Variants in PDE10A observed in about 807,000 individuals in gnomAD.
PDE10A encodes the protein phosphodiesterase 10A.
Under a neutral mutation model 97.7 loss-of-function variants are expected in PDE10A, and 39 were observed. The observed-to-expected ratio is 0.40, with a 90% CI of 0.31 to 0.52. PDE10A has a LOEUF of 0.52. Among genes scored for constraint, PDE10A ranks in the 20% least tolerant of loss-of-function variants. PDE10A has a pLI of 0.56. For synonymous variants in PDE10A, 371 were observed against 376.8 expected, an observed-to-expected ratio of 0.98 and a Z score of 0.18; for missense variants, 731 against 1,047.8, an observed-to-expected ratio of 0.70 and a Z score of 4.17.
intron 1 of PDE10A, among the ~76,000 whole-genome samples, chr6:165,564,488 C>T (rs1468301204): frequency 6.6e-6 from 1 of 152,146 alleles, no homozygotes; most frequent in East Asian, 1.9e-4. Flanking sequence ...TTGCATTAAG[C>T]CAATTCAAAC....
intron 5 of PDE10A, among the ~76,000 whole-genome samples, chr6:165,445,399 C>A (rs950423299): frequency 3.3e-5 from 5 of 152,196 alleles, no homozygotes; most frequent in Non-Finnish European, 7.3e-5. Context: ...AGCTGTCTTT[C>A]TCTTGAGGGA....
At chr6:165,699,336 A>G (rs1169579056) in intron 1 of PDE10A, among the ~76,000 whole-genome samples, 1 of 152,218 alleles carries the variant, frequency 6.6e-6, no homozygotes, top group Non-Finnish European at 1.5e-5. Flanking sequence ...GCACCAAAAT[A>G]TAGGAAACAA....
intron 1 of PDE10A, among the ~76,000 whole-genome samples, chr6:165,837,658 G>GTT (rs1455173660): frequency 7.7e-6 from 1 of 129,712 alleles, no homozygotes; most frequent in African/African-American, 3.0e-5. Context: ...TATCTCTCCT[G>GTT]GTTTTTTTTT....
intron 1 of PDE10A, among the ~76,000 whole-genome samples, chr6:165,772,754 G>A (rs2128460167): frequency 6.6e-6 from 1 of 152,292 alleles, no homozygotes; most frequent in South Asian, 2.1e-4. Flanking sequence ...TTGGGGGCGG[G>A]GTGGGGGAGC....
At chr6:165,844,441 A>G (rs1780351776) in intron 1 of PDE10A, among the ~76,000 whole-genome samples, 1 of 152,196 alleles carries the variant, frequency 6.6e-6, no homozygotes, top group Non-Finnish European at 1.5e-5. Flanking sequence ...TAATTGGTGA[A>G]ATTTAATAGG....
chr6:165,391,821 T>C (rs1785740784), intron 16 of PDE10A, among the ~76,000 whole-genome samples: 1 of 152,234 alleles, frequency 6.6e-6, no homozygotes, highest in Admixed American at 6.5e-5. Flanking sequence ...TCACAAGTAC[T>C]AGATTCTAGT....
At chr6:165,872,022 C>T (rs962808016) in intron 1 of PDE10A, among the ~76,000 whole-genome samples, 2 of 151,992 alleles carry the variant, frequency 1.3e-5, no homozygotes, top group African/African-American at 2.4e-5. Flanking sequence ...GTGTCAGAAG[C>T]GTTGCCTTGT....
chr6:165,955,331 G>C (rs1044198935), intron 1 of PDE10A, among the ~76,000 whole-genome samples: 2 of 152,222 alleles, frequency 1.3e-5, no homozygotes, highest in African/African-American at 2.4e-5. Context: ...TTGGATCTTT[G>C]CGATAACTTC....
chr6:165,848,441 G>T (rs1426274208), intron 1 of PDE10A, among the ~76,000 whole-genome samples: 1 of 152,206 alleles, frequency 6.6e-6, no homozygotes, highest in Admixed American at 6.5e-5. Context: ...TTCCAGAGAA[G>T]GCAGCCTTTG....
intron 1 of PDE10A, among the ~76,000 whole-genome samples, chr6:165,633,075 G>A (rs1301115028): frequency 1.1e-4 from 13 of 117,798 alleles, no homozygotes; most frequent in Admixed American, 7.2e-4. Flanking sequence ...AAAAGTCACC[G>A]TGTCAAAAAA....
In PDE10A at chr6:165,371,890, A is replaced by G. The variant is rs901796621; in HGVS notation, c.2783+7304T>C. On this transcript the variant is annotated intron_variant, in intron 18 of 21. Coordinates refer to ENST00000539869, the MANE Select transcript of PDE10A (RefSeq NM_001385079.1). ...AAAGCTTATCCACCATGAGCAAGTG[A>G]GCTTCATCCCTGGGATGCAAGGCTG... 1.3e-4 allele frequency among the ~76,000 whole-genome samples: 20 copies of G among 152,216 alleles called. 1 individual carries two copies. Among genetic ancestry groups the G allele is most frequent in the South Asian group, 6.2e-4 (3 of 4,818 alleles).
intron 1 of PDE10A, among the ~76,000 whole-genome samples, chr6:165,575,986 A>T (rs1286033668): frequency 6.6e-6 from 1 of 152,236 alleles, no homozygotes; most frequent in Non-Finnish European, 1.5e-5. Context: ...TCTCAGTAGT[A>T]TCAGATATTG....
chr6:165,797,639 T>A (rs1778865512), intron 1 of PDE10A, among the ~76,000 whole-genome samples: 1 of 152,220 alleles, frequency 6.6e-6, no homozygotes. Flanking sequence ...TCATTATTCT[T>A]TTTGATGGCA....
chr6:165,640,653 C>T (rs1046374157), intron 1 of PDE10A, among the ~76,000 whole-genome samples: 6 of 152,166 alleles, frequency 3.9e-5, no homozygotes, highest in South Asian at 2.1e-4. Flanking sequence ...ACGCGGAAAC[C>T]ACAACATATT....
intron 1 of PDE10A, among the ~76,000 whole-genome samples, chr6:165,927,492 T>C (rs990241890): frequency 1.3e-5 from 2 of 151,916 alleles, no homozygotes; most frequent in African/African-American, 4.8e-5. Flanking sequence ...ATAATATAAA[T>C]GTATAAATGA....
intron 2 of PDE10A, among the ~76,000 whole-genome samples, chr6:165,499,351 T>C (rs1282112482): frequency 6.6e-6 from 1 of 152,222 alleles, no homozygotes; most frequent in Non-Finnish European, 1.5e-5. Context: ...ACATACGTTT[T>C]ATTTATTATC....
At chr6:165,732,004 A>G (rs1792449344) in intron 1 of PDE10A, among the ~76,000 whole-genome samples, 3 of 152,202 alleles carry the variant, frequency 2.0e-5, no homozygotes, top group Admixed American at 6.5e-5. Flanking sequence ...TAAGAAAATT[A>G]CGAGTGTACC....
intron 1 of PDE10A, among the ~76,000 whole-genome samples, chr6:165,952,738 C>T (rs567711672): frequency 2.7e-3 from 410 of 152,282 alleles, no homozygotes; most frequent in Admixed American, 4.2e-3. Context: ...CAGAATCCTC[C>T]GCATCCTCCA....
At chr6:165,396,872 G>A (rs948477026) in intron 13 of PDE10A, among the ~76,000 whole-genome samples, 4 of 152,090 alleles carry the variant, frequency 2.6e-5, no homozygotes, top group Non-Finnish European at 5.9e-5. Context: ...TTTAATTATT[G>A]CATTTCACCT....
Sources: allele counts gnomAD v4.1 joint callset (sites outside exome capture counted in the v4.1 genomes callset), GRCh38; gene constraint gnomAD v4.1.1; transcripts MANE v1.5; gene names NCBI Gene and HGNC (gene_info 2026-07-23, HGNC 2026-07-21).